NALF1: variants seen among roughly 807,000 people sequenced by gnomAD.
NALF1 encodes NALCN channel auxiliary factor 1.
Under a neutral mutation model 48.4 loss-of-function variants are expected in NALF1, and 3 were observed. That is an observed-to-expected ratio of 0.06 (90% CI 0.03 to 0.16). The LOEUF (loss-of-function observed/expected upper bound fraction) is 0.16, where lower values mean the gene tolerates loss of function less well. Ranked by LOEUF, NALF1 falls within the 10% of genes least tolerant of loss-of-function variation. NALF1 has a pLI of 1.00. For missense variants in NALF1, 526 were observed against 571.5 expected (o/e 0.92, Z 0.81); for synonymous variants, 262 against 245.7 (o/e 1.07, Z -0.62).
chr13:107,597,934 G>A (rs1878802129), intron 1 of NALF1, among the ~76,000 whole-genome samples: 1 of 152,134 alleles, frequency 6.6e-6, no homozygotes, highest in South Asian at 2.1e-4. Context: ...CCTTCAGGAA[G>A]TACAGATAAG....
chr13:107,262,737 T>C (rs1322015938), intron 1 of NALF1, among the ~76,000 whole-genome samples: 2 of 150,434 alleles, frequency 1.3e-5, no homozygotes, highest in African/African-American at 5.0e-5. Flanking sequence ...AGACATCCCA[T>C]GGAACCATAT....
chr13:107,575,917 GTATGTT>G (rs945330029), intron 1 of NALF1, among the ~76,000 whole-genome samples: 38 of 151,954 alleles, frequency 2.5e-4, no homozygotes, highest in African/African-American at 8.4e-4. Context: ...GTCTAGGCGT[GTATGTT>G]TATATGTGTG....
At chr13:107,746,392 C>CTA (rs986348760) in intron 1 of NALF1, among the ~76,000 whole-genome samples, 2 of 152,038 alleles carry the variant, frequency 1.3e-5, no homozygotes, top group Non-Finnish European at 1.5e-5. Context: ...ATAACTGAAT[C>CTA]TATATATATA....
At chr13:107,642,950 C>T (rs1880200247) in intron 1 of NALF1, among the ~76,000 whole-genome samples, 1 of 152,132 alleles carries the variant, frequency 6.6e-6, no homozygotes, top group South Asian at 2.1e-4. Context: ...TCTGCCTTGC[C>T]CTAATTTCCA....
At chr13:107,803,334 T>C (rs573215764) in intron 1 of NALF1, among the ~76,000 whole-genome samples, 1 of 152,270 alleles carries the variant, frequency 6.6e-6, no homozygotes, top group Admixed American at 6.5e-5. Context: ...ACGTGGTCAA[T>C]TTTTCTCTTA....
intron 1 of NALF1, among the ~76,000 whole-genome samples, chr13:107,236,644 T>C (rs1387631039): frequency 6.6e-6 from 1 of 152,064 alleles, no homozygotes; most frequent in Non-Finnish European, 1.5e-5. Context: ...AGCTTAATTA[T>C]GGCACTATCT....
intron 2 of NALF1, among the ~76,000 whole-genome samples, chr13:107,179,281 T>A (rs968502047): frequency 6.6e-6 from 1 of 152,174 alleles, no homozygotes; most frequent in African/African-American, 2.4e-5. Context: ...AAACTTTGTA[T>A]GTTCTCGCCT....
intron 1 of NALF1, among the ~76,000 whole-genome samples, chr13:107,491,478 G>C (rs1224848925): frequency 6.6e-6 from 1 of 152,212 alleles, no homozygotes; most frequent in East Asian, 1.9e-4. Context: ...CAGTGATTCA[G>C]AGACTGAGCC....
At chr13:107,633,719 GTGTATATA>G (rs1263611482) in intron 1 of NALF1, among the ~76,000 whole-genome samples, 4 of 60,464 alleles carry the variant, frequency 6.6e-5, no homozygotes, top group East Asian at 0.015. Flanking sequence ...ATATATGTGT[GTGTATATA>G]TATATATATA....
At chr13:107,471,695 T>C (rs557563244) in intron 1 of NALF1, among the ~76,000 whole-genome samples, 1 of 152,278 alleles carries the variant, frequency 6.6e-6, no homozygotes, top group African/African-American at 2.4e-5. Flanking sequence ...TGGGAAGAAA[T>C]GTTTCTGTTT....
At chr13:107,538,319 C>T (rs955585648) in intron 1 of NALF1, among the ~76,000 whole-genome samples, 6 of 152,104 alleles carry the variant, frequency 3.9e-5, no homozygotes, top group East Asian at 1.9e-4. Flanking sequence ...TTTCATGGAT[C>T]GGTAATCCTT....
At chr13:107,766,998 A>AG (rs1877433810) in intron 1 of NALF1, among the ~76,000 whole-genome samples, 1 of 152,232 alleles carries the variant, frequency 6.6e-6, no homozygotes. Flanking sequence ...AGAAAGACTT[A>AG]GACGTGTGGA....
intron 1 of NALF1, among the ~76,000 whole-genome samples, chr13:107,319,854 C>T (rs1882220284): frequency 6.6e-6 from 1 of 152,080 alleles, no homozygotes; most frequent in African/African-American, 2.4e-5. Context: ...TAAGATGATG[C>T]TTGGATTCCA....
At position 107,792,898 on chromosome 13, in the gene NALF1, T is replaced by C. The variant is rs193248705; in HGVS notation, c.915+72784A>G. On this transcript the variant is annotated intron_variant, in intron 1 of 2. Coordinates refer to ENST00000375915, the MANE Select transcript of NALF1 (RefSeq NM_001080396.3). ...AATCATAGCTCACTACAGCCATGTA[T>C]ACTGGCCTCAAGGAATCCCCCGCCT... Among the ~76,000 whole-genome samples the C allele has an allele frequency of 6.7e-4, 102 of 152,258 alleles. 1 individual carries two copies. In the South Asian group the frequency reaches 8.9e-3, roughly 13 times the overall value.
rs1255524735 is a variant in NALF1 at position 107,322,530 on chromosome 13, C to T, written c.916-111775G>A. ...TCCCTTTTGAATTAAAAAAATACTC[C>T]ATTTGTGATTTTCTGGTACCTCCAC... On this transcript the variant is annotated intron_variant, in intron 1 of 2. Coordinates refer to ENST00000375915, the MANE Select transcript of NALF1 (RefSeq NM_001080396.3). Among the ~76,000 whole-genome samples, 8 of 152,202 alleles carry T rather than the reference C, an allele frequency of 5.3e-5. No individual in the cohort carries two copies. In the East Asian group the frequency reaches 1.5e-3, roughly 29 times the overall value.
At chr13:107,627,478 C>G (rs747670437) in intron 1 of NALF1, among the ~76,000 whole-genome samples, 5 of 152,076 alleles carry the variant, frequency 3.3e-5, no homozygotes, top group Non-Finnish European at 1.5e-5. Flanking sequence ...AGAAGGCTGT[C>G]TTAATGGGTG....
intron 1 of NALF1, among the ~76,000 whole-genome samples, chr13:107,373,532 T>C (rs1451911977): frequency 6.6e-6 from 1 of 152,078 alleles, no homozygotes; most frequent in African/African-American, 2.4e-5. Context: ...AGATGCAAGG[T>C]GGAGCCCAAA....
At chr13:107,209,381 C>T (rs775938326) in intron 2 of NALF1, among the ~76,000 whole-genome samples, 18 of 152,036 alleles carry the variant, frequency 1.2e-4, no homozygotes, top group Non-Finnish European at 2.4e-4. Flanking sequence ...GTGGTGCACG[C>T]CTGTAATCTC....
chr13:107,636,793 T>C (rs1446636144), intron 1 of NALF1, among the ~76,000 whole-genome samples: 1 of 151,504 alleles, frequency 6.6e-6, no homozygotes, highest in Non-Finnish European at 1.5e-5. Flanking sequence ...ATTTCACCTT[T>C]TCTCGCACTT....
Sources: gnomAD v4.1 joint callset for allele counts (sites outside exome capture counted in the v4.1 genomes callset) on GRCh38, gnomAD v4.1.1 for gene constraint, MANE v1.5 for transcripts, NCBI Gene and HGNC (gene_info 2026-07-23, HGNC 2026-07-21) for gene names.